The following UMPS variants were observed in gnomAD, a reference collection of about 807,000 sequenced individuals.
UMPS encodes the protein uridine 5'-monophosphate synthase.
A neutral mutation model predicts 38.9 loss-of-function variants in UMPS; 21 were observed. That is an observed-to-expected ratio of 0.54 (90% CI 0.38 to 0.78). UMPS has a LOEUF of 0.78. UMPS is among the 30% of genes least tolerant of loss of function. The pLI, the probability that UMPS is intolerant of heterozygous loss-of-function variation, is 0.00. For missense variants in UMPS, 533 were observed against 591.6 expected (o/e 0.90, Z 1.03); for synonymous variants, 208 against 219.3 (o/e 0.95, Z 0.45).
chr3:124,749,031 C>G lies in UMPS; in HGVS notation c.*4947C>G, dbSNP rs1201364598. The G allele has an allele frequency of 2.2e-6, 1 of 454,066 alleles. No individual in the cohort carries two copies. The highest frequency in any genetic ancestry group is 4.4e-6 in the Non-Finnish European group (1 of 226,774). The allele number at this position is 454,066 out of a possible 1,614,324, so 28.1% of individuals were successfully genotyped here. ...ACAGACAGCTCCATAGTCCTGCCTCCAATGTCCCAACACTGCATTGTCTCC... is the reference window on the plus strand; with the variant it reads ...ACAGACAGCTCCATAGTCCTGCCTCGAATGTCCCAACACTGCATTGTCTCC... On this transcript the variant is annotated 3_prime_UTR_variant, in exon 6 of 6. Transcript: ENST00000232607.
At chr3:124,741,865 CT>C (rs1283660050) in intron 4 of UMPS, among the ~76,000 whole-genome samples, 1 of 151,862 alleles carries the variant, frequency 6.6e-6, no homozygotes. Context: ...GATATAGTAA[CT>C]TTATATATAT....
chr3:124,747,099 G>T lies in UMPS; in HGVS notation c.*3015G>T, dbSNP rs146428655. The T allele has an allele frequency of 2.2e-6, 1 of 453,806 alleles. No homozygotes were observed. Among genetic ancestry groups the T allele is most frequent in the Non-Finnish European group, 4.4e-6 (1 of 226,598 alleles). The allele number at this position is 453,806 out of a possible 1,614,324, so 28.1% of individuals were successfully genotyped here. ...CTGCAACCTTGACTTGGGCTCAAGC[G>T]ATCCGCTCAAGTAGCTGGAACTACT... On this transcript the variant is annotated 3_prime_UTR_variant, in exon 6 of 6. Coordinates refer to ENST00000232607, the MANE Select transcript of UMPS (RefSeq NM_000373.4).
In UMPS at chr3:124,744,752, G is replaced by A. The variant is rs1310174786; in HGVS notation, c.*668G>A. ...AATTCTAGGGCACCAAGAGGCTAAA[G>A]TCAGCACAGCTTTTCTTGTGTCCTG... On this transcript the variant is annotated 3_prime_UTR_variant, in exon 6 of 6. Coordinates refer to ENST00000232607, the MANE Select transcript of UMPS (RefSeq NM_000373.4). 3.1e-5 allele frequency: 14 copies of A among 454,034 alleles called. No homozygotes were observed. Among genetic ancestry groups the A allele is most frequent in the South Asian group, 2.2e-4 (14 of 64,468 alleles). 28.1% of individuals were successfully genotyped at this position (454,034 alleles called of 1,614,324 possible). A position where few individuals can be genotyped will look rare whatever the true frequency, so the allele number is the denominator to read the frequency against.
Position 124,738,524 on chromosome 3 carries a change from A to G in UMPS, c.982+285A>G, listed in dbSNP as rs149227270. ...ATACCTTCATTAACTAGCCTGGGCA[A>G]TTTGCTCTGCAACTGTGAGGTTGTT... On this transcript the variant is annotated intron_variant, in intron 3 of 5. Coordinates refer to ENST00000232607, the MANE Select transcript of UMPS (RefSeq NM_000373.4). 888 of 392,150 alleles carry G rather than the reference A, an allele frequency of 2.3e-3. 17 individuals are homozygous for G. The highest frequency in any genetic ancestry group is 4.2e-4 in the Non-Finnish European group (89 of 209,662). 24.3% of individuals were successfully genotyped at this position (392,150 alleles called of 1,614,324 possible).
chr3:124,744,179 G>A lies in UMPS; in HGVS notation c.*95G>A. 6.8e-7 allele frequency: 1 copy of A among 1,462,400 alleles called. No homozygotes were observed. The highest frequency in any genetic ancestry group is 9.5e-7 in the Non-Finnish European group (1 of 1,057,926). 90.6% of individuals were successfully genotyped at this position (1,462,400 alleles called of 1,614,324 possible). On this transcript the variant is annotated 3_prime_UTR_variant, in exon 6 of 6. Transcript: ENST00000232607. ...GGCTGGAAATAATCCAATTATTCCT[G>A]CTTGGATTCTTCCACAGGGCCTGTG...
In UMPS at chr3:124,746,689, G is replaced by A. The variant is rs554810943; in HGVS notation, c.*2605G>A. 84 of 453,246 alleles carry A rather than the reference G, an allele frequency of 1.9e-4. No individual in the cohort carries two copies. The highest frequency in any genetic ancestry group is 1.5e-3 in the African/African-American group (74 of 50,030). The allele number at this position is 453,246 out of a possible 1,614,324, so 28.1% of individuals were successfully genotyped here. On this transcript the variant is annotated 3_prime_UTR_variant, in exon 6 of 6. Coordinates refer to ENST00000232607, the MANE Select transcript of UMPS (RefSeq NM_000373.4). ...ACAGAATGTCTGTGAGACTGATGGA[G>A]TGGAGAACGCCATCCCCCAGCCTCT...
rs758419283 is a variant in UMPS, at chr3:124,746,697, C to T, written c.*2613C>T. On this transcript the variant is annotated 3_prime_UTR_variant, in exon 6 of 6. Transcript: ENST00000232607. Reference sequence around the variant, plus strand: ...TCTGTGAGACTGATGGAGTGGAGAACGCCATCCCCCAGCCTCTCCAGCTAC... The same window carrying T: ...TCTGTGAGACTGATGGAGTGGAGAATGCCATCCCCCAGCCTCTCCAGCTAC... 4.6e-5 allele frequency: 21 copies of T among 452,574 alleles called. 1 individual carries two copies. The East Asian group carries it at 1.2e-3, about 26-fold the overall frequency. 28.0% of individuals were successfully genotyped at this position (452,574 alleles called of 1,614,324 possible).
Position 124,744,059 on chromosome 3 carries a change from C to T in UMPS, c.1418C>T (p.Ala473Val), listed in dbSNP as rs2063577933. The T allele has an allele frequency of 7.4e-6, 12 of 1,614,016 alleles. No individual in the cohort carries two copies. The highest frequency in any genetic ancestry group is 1.0e-5 in the Non-Finnish European group (12 of 1,179,920). ...ATGTACAGAAAAGCTGCTTGGGAAG[C>T]GTATTTGAGTAGACTTGGTGTTTGA... ...AEMYRKAAWEAYLSRLGV is the reference protein window; with the variant it reads ...AEMYRKAAWEVYLSRLGV The change falls in exon 6 of 6, where the codon GCG (alanine) becomes GTG (valine). Residue 473 changes from alanine to valine, a missense_variant. By Grantham distance (64) the Ala-to-Val change is moderately conservative. Coordinates refer to ENST00000232607, the MANE Select transcript of UMPS (RefSeq NM_000373.4).
In UMPS at chr3:124,747,042, CTG is replaced by C. The variant is rs909456298; in HGVS notation, c.*2960_*2961del. On this transcript the variant is annotated 3_prime_UTR_variant, in exon 6 of 6. Coordinates refer to ENST00000232607, the MANE Select transcript of UMPS (RefSeq NM_000373.4). ...GTTTGTTTGATACAGGGTCTTCACTCTGTTGCCCAGGCTGGAGTATATCATGG... is the reference window on the plus strand; with the variant it reads ...GTTTGTTTGATACAGGGTCTTCACTCTTGCCCAGGCTGGAGTATATCATGG... The C allele has an allele frequency of 2.2e-6, 1 of 453,798 alleles. No individual in the cohort carries two copies. The highest frequency in any genetic ancestry group is 2.0e-5 in the African/African-American group (1 of 49,970). The allele number at this position is 453,798 out of a possible 1,614,324, so 28.1% of individuals were successfully genotyped here.
chr3:124,740,087 G>A lies in UMPS; in HGVS notation c.1046G>A (p.Gly349Glu), dbSNP rs1310535420. 9 of 1,614,018 alleles carry A rather than the reference G, an allele frequency of 5.6e-6. No individual in the cohort carries two copies. Among genetic ancestry groups the A allele is most frequent in the Non-Finnish European group, 7.6e-6 (9 of 1,180,042 alleles). Residue 349 changes from glycine to glutamate, a missense_variant, in exon 4 of 6, where the codon GGA (glycine) becomes GAA (glutamate). Coordinates refer to ENST00000232607, the MANE Select transcript of UMPS (RefSeq NM_000373.4). ...LVNAHVVPGS[G>E]VVKGLQEVGL... The stretch of plus-strand genomic sequence containing the variant: ...AATGCTCACGTGGTGCCAGGCTCAG[G>A]AGTTGTGAAAGGCCTGCAAGAAGTG...
chr3:124,748,278 T>G lies in UMPS; in HGVS notation c.*4194T>G. The G allele has an allele frequency of 2.2e-6, 1 of 454,042 alleles. No individual in the cohort carries two copies. The highest frequency in any genetic ancestry group is 1.6e-5 in the South Asian group (1 of 64,472). The allele number at this position is 454,042 out of a possible 1,614,324, so 28.1% of individuals were successfully genotyped here. A position where few individuals can be genotyped will look rare whatever the true frequency, so the allele number is the denominator to read the frequency against. On this transcript the variant is annotated 3_prime_UTR_variant, in exon 6 of 6. Transcript: ENST00000232607. ...TTATAATCAATGCTGTTTTATTAAA[T>G]GCGGATTTTATTTTGGATTACAGGA... is the stretch of plus-strand genomic sequence containing the variant.
intron 1 of UMPS, among the ~76,000 whole-genome samples, chr3:124,734,110 A>G (rs748906321): frequency 3.2e-4 from 48 of 152,300 alleles, no homozygotes; most frequent in Admixed American, 9.8e-4. Flanking sequence ...CAGTTCTAAG[A>G]TAATATGTTA....
intron 1 of UMPS, chr3:124,731,636 ACTTTGGGAGGCTTT>A (rs201737602): frequency 0.011 from 2,628 of 240,732 alleles, 61 homozygotes; most frequent in African/African-American, 0.055. Context: ...TGTAGTCCCA[ACTTTGGGAGGCTTT>A]CTTTGGGAGG....
intron 3 of UMPS, 56 bp from the exon 4 acceptor site, chr3:124,739,968 A>G: frequency 6.4e-7 from 1 of 1,567,892 alleles, no homozygotes; most frequent in Non-Finnish European, 8.8e-7. Flanking sequence ...GTTGGACAAG[A>G]CGTTAGAGGT....
rs61322671 is a variant in UMPS at position 124,731,880 on chromosome 3, G to GAAA, written c.156+1267_156+1269dup. 5.8e-4 allele frequency among the ~76,000 whole-genome samples: 71 copies of GAAA among 121,454 alleles called. 3 individuals carry two copies. The highest frequency in any genetic ancestry group is 1.6e-3 in the East Asian group (7 of 4,418). 79.7% of individuals were successfully genotyped at this position (121,454 alleles called of 152,430 possible). Reference sequence around the variant, plus strand: ...TGGGCAACAGAGGGAGACTGTCTCAGAAAAAAAAAAAAAAAAGAGATCCTC... The same window carrying GAAA: ...TGGGCAACAGAGGGAGACTGTCTCAGAAAAAAAAAAAAAAAAAAAGAGATCCTC... On this transcript the variant is annotated intron_variant, in intron 1 of 5. Transcript: ENST00000232607.
Position 124,745,429 on chromosome 3 carries a change from T to A in UMPS, c.*1345T>A, listed in dbSNP as rs866581382. 1 of 453,558 alleles carries A rather than the reference T, an allele frequency of 2.2e-6. No homozygotes were observed. The highest frequency in any genetic ancestry group is 1.6e-5 in the South Asian group (1 of 64,456). 28.1% of individuals were successfully genotyped at this position (453,558 alleles called of 1,614,324 possible). A position where few individuals can be genotyped will look rare whatever the true frequency, so the allele number is the denominator to read the frequency against. On this transcript the variant is annotated 3_prime_UTR_variant, in exon 6 of 6. Coordinates refer to ENST00000232607, the MANE Select transcript of UMPS (RefSeq NM_000373.4). ...CCCAGGCTGGAGTTCAGTGGCACGA[T>A]CTCGGCTCACTGCAACTTCTGCCTC...
intron 4 of UMPS, 95 bp downstream of exon 4, chr3:124,740,294 GC>G: frequency 7.6e-7 from 1 of 1,318,020 alleles, no homozygotes. Context: ...TGGAACCTCT[GC>G]CAAAAAAAAA....
chr3:124,731,629 A>G (rs2063478192), intron 1 of UMPS: 2 of 248,712 alleles, frequency 8.0e-6, no homozygotes, highest in Admixed American at 9.4e-5. Flanking sequence ...TCATGCCTGT[A>G]GTCCCAACTT....
chr3:124,743,984 T>C lies in UMPS; in HGVS notation c.1343T>C (p.Ile448Thr). The C allele has an allele frequency of 6.2e-7, 1 of 1,614,206 alleles. No individual in the cohort carries two copies. Among genetic ancestry groups the C allele is most frequent in the East Asian group, 2.2e-5 (1 of 44,868 alleles). The part of the protein sequence containing the change: ...VIGKRGSDII[I>T]VGRGIISAAD... ...GGCAAACGAGGTTCCGATATCATCA[T>C]TGTAGGTCGTGGCATAATCTCAGCA... Residue 448 changes from isoleucine to threonine, a missense_variant, in exon 6 of 6, where the codon ATT becomes ACT. Ile to Thr is a moderately conservative substitution (Grantham distance 89, BLOSUM62 -1). Coordinates refer to ENST00000232607, the MANE Select transcript of UMPS (RefSeq NM_000373.4).
Sources: allele counts gnomAD v4.1 joint callset (sites outside exome capture counted in the v4.1 genomes callset), GRCh38; gene constraint gnomAD v4.1.1; transcripts MANE v1.5; gene names NCBI Gene and HGNC (gene_info 2026-07-23, HGNC 2026-07-21).